RPS6KA5: variants seen among roughly 807,000 people sequenced by gnomAD.
RPS6KA5 encodes the protein ribosomal protein S6 kinase A5.
RPS6KA5 carries 27 observed loss-of-function variants against 85.5 expected under a neutral mutation model. That is an observed-to-expected ratio of 0.32 (90% CI 0.23 to 0.44). The LOEUF is 0.44. RPS6KA5 is among the 20% of genes least tolerant of loss of function. The pLI, the probability that RPS6KA5 is intolerant of heterozygous loss-of-function variation, is 1.00. For missense variants in RPS6KA5, 811 were observed against 980.9 expected (o/e 0.83, Z 2.31); for synonymous variants, 334 against 348.2 (o/e 0.96, Z 0.46).
chr14:90,912,426 T>C (rs184363821), intron 7 of RPS6KA5, among the ~76,000 whole-genome samples: 4 of 152,330 alleles, frequency 2.6e-5, no homozygotes, highest in Admixed American at 2.6e-4. Flanking sequence ...CCAGTAACTC[T>C]GTATTTGATC....
chr14:91,043,258 T>C (rs1285656314), intron 1 of RPS6KA5, among the ~76,000 whole-genome samples: 1 of 152,206 alleles, frequency 6.6e-6, no homozygotes, highest in African/African-American at 2.4e-5. Context: ...TTTTCAGGAC[T>C]CAATTCTGAG....
Position 90,920,317 on chromosome 14 carries a change from A to G in RPS6KA5, c.703-8T>C. The G allele has an allele frequency of 6.6e-7, 1 of 1,521,712 alleles. No individual in the cohort carries two copies. Among genetic ancestry groups the G allele is most frequent in the Non-Finnish European group, 9.1e-7 (1 of 1,103,334 alleles). The allele number at this position is 1,521,712 out of a possible 1,614,324, so 94.3% of individuals were successfully genotyped here. A position where few individuals can be genotyped will look rare whatever the true frequency, so the allele number is the denominator to read the frequency against. On this transcript the variant is annotated splice_polypyrimidine_tract_variant and splice_region_variant and intron_variant, in intron 6 of 16. Coordinates refer to ENST00000614987, the MANE Select transcript of RPS6KA5 (RefSeq NM_004755.4). Reference sequence around the variant, plus strand: ...ACTCCACCAGTCAACTGCCTATAAAACAACAATAATTTCATTTTATAGAAT... The same window carrying G: ...ACTCCACCAGTCAACTGCCTATAAAGCAACAATAATTTCATTTTATAGAAT...
chr14:90,882,089 T>A (rs2033879700), intron 14 of RPS6KA5, among the ~76,000 whole-genome samples: 1 of 152,234 alleles, frequency 6.6e-6, no homozygotes, highest in Admixed American at 6.5e-5. Flanking sequence ...CTTTTATGTT[T>A]AGTTTATTTT....
intron 5 of RPS6KA5, among the ~76,000 whole-genome samples, chr14:90,926,664 A>AGTGTGTGTGT (rs59637202): frequency 0.019 from 2,678 of 143,282 alleles, 25 homozygotes; most frequent in Non-Finnish European, 0.025. Context: ...TATATATTTA[A>AGTGTGTGTGT]GTGTGTGTGT....
chr14:90,959,178 T>C (rs1232046719), intron 3 of RPS6KA5, among the ~76,000 whole-genome samples: 1 of 152,194 alleles, frequency 6.6e-6, no homozygotes, highest in Non-Finnish European at 1.5e-5. Flanking sequence ...ACAGGGCTTA[T>C]GGACCTTTAC....
chr14:90,984,766 T>G (rs1276918179), intron 2 of RPS6KA5, among the ~76,000 whole-genome samples: 1 of 152,236 alleles, frequency 6.6e-6, no homozygotes, highest in Non-Finnish European at 1.5e-5. Flanking sequence ...AAAGAAAAGT[T>G]AAAAATGACT....
intron 2 of RPS6KA5, among the ~76,000 whole-genome samples, chr14:90,998,557 C>CT (rs1173403486): frequency 6.6e-6 from 1 of 152,114 alleles, no homozygotes; most frequent in Non-Finnish European, 1.5e-5. Flanking sequence ...CCTCTTTCCC[C>CT]TTTGAGTAGA....
intron 1 of RPS6KA5, among the ~76,000 whole-genome samples, chr14:91,043,083 TAGTC>T (rs897067606): frequency 2.0e-5 from 3 of 152,094 alleles, no homozygotes; most frequent in Non-Finnish European, 2.9e-5. Flanking sequence ...GGCCATTAGG[TAGTC>T]AGTCAAATTG....
At position 90,943,121 on chromosome 14, in the gene RPS6KA5, A is replaced by G. The variant is rs1409034173; in HGVS notation, c.575T>C (p.Val192Ala). The change falls in exon 5 of 17, where the codon GTG (valine) becomes GCG (alanine). Residue 192 changes from valine to alanine, a missense_variant. By Grantham distance (64) the Val-to-Ala change is moderately conservative. Around this residue, in one of 3 missense-constraint regions of RPS6KA5, gnomAD observed 650 missense variants for 793.4 expected, o/e 0.82. Transcript: ENST00000614987. The part of the protein sequence containing the change: ...NILLDSNGHV[V>A]LTDFGLSKEF... Reference sequence around the variant, plus strand: ...CTTACTCAGACCAAAATCTGTCAGCACCACATGGCCATTAGAATCAAGTAG... The same window carrying G: ...CTTACTCAGACCAAAATCTGTCAGCGCCACATGGCCATTAGAATCAAGTAG... The G allele has an allele frequency of 6.2e-7, 1 of 1,613,138 alleles. No individual in the cohort carries two copies. The highest frequency in any genetic ancestry group is 8.5e-7 in the Non-Finnish European group (1 of 1,179,242).
At chr14:90,951,394 G>A (rs1459877545) in intron 3 of RPS6KA5, among the ~76,000 whole-genome samples, 4 of 151,496 alleles carry the variant, frequency 2.6e-5, no homozygotes, top group South Asian at 2.1e-4. Context: ...GCTGAGGCAG[G>A]AGAATGGTGT....
rs779715027 is a variant in RPS6KA5, at chr14:90,900,104, A to C, written c.1379+4T>G. The C allele has an allele frequency of 6.3e-7, 1 of 1,590,306 alleles. No individual in the cohort carries two copies. Among genetic ancestry groups the C allele is most frequent in the East Asian group, 2.3e-5 (1 of 44,242 alleles). ...AAAGAATATTATATTAAAAATGGTCATACCTTTTGCTGATTATTTTGACTG... is the reference window on the plus strand; with the variant it reads ...AAAGAATATTATATTAAAAATGGTCCTACCTTTTGCTGATTATTTTGACTG... On this transcript the variant is annotated splice_donor_region_variant and intron_variant, in intron 11 of 16. Transcript: ENST00000614987.
intron 2 of RPS6KA5, among the ~76,000 whole-genome samples, chr14:90,998,596 A>G (rs963839672): frequency 6.6e-6 from 1 of 152,232 alleles, no homozygotes; most frequent in Admixed American, 6.5e-5. Flanking sequence ...AAACAAAGGT[A>G]GGAATAAAGG....
In RPS6KA5 at chr14:90,865,263, C is replaced by CT. The variant is rs546288014; in HGVS notation, c.*6810dup. 1.2e-3 allele frequency: 186 copies of CT among 152,318 alleles called. No individual in the cohort carries two copies. The highest frequency in any genetic ancestry group is 4.4e-3 in the African/African-American group (184 of 41,570). 9.4% of individuals were successfully genotyped at this position (152,318 alleles called of 1,614,324 possible). A position where few individuals can be genotyped will look rare whatever the true frequency, so the allele number is the denominator to read the frequency against. On this transcript the variant is annotated 3_prime_UTR_variant, in exon 17 of 17. Coordinates refer to ENST00000614987, the MANE Select transcript of RPS6KA5 (RefSeq NM_004755.4). ...TAAAAATTACAAACAACCAAAATGT[C>CT]TATCAGTGGGAGAATGGATAAATTG...
At chr14:90,996,721 A>T (rs1352659591) in intron 2 of RPS6KA5, among the ~76,000 whole-genome samples, 1 of 151,924 alleles carries the variant, frequency 6.6e-6, no homozygotes, top group Non-Finnish European at 1.5e-5. Context: ...TGACATTTCT[A>T]AAACTTTAAT....
At chr14:90,989,914 A>T (rs1377594697) in intron 2 of RPS6KA5, among the ~76,000 whole-genome samples, 2 of 152,200 alleles carry the variant, frequency 1.3e-5, no homozygotes, top group African/African-American at 4.8e-5. Flanking sequence ...GGATGATCGT[A>T]AGAGCTTACA....
rs1671552216 is a variant in RPS6KA5, at chr14:90,894,529, T to G, written c.1528A>C (p.Ile510Leu). 1 of 1,614,208 alleles carries G rather than the reference T, an allele frequency of 6.2e-7. No individual in the cohort carries two copies. Among genetic ancestry groups the G allele is most frequent in the East Asian group, 2.2e-5 (1 of 44,886 alleles). ...LLNGGELFERIKKKKHFSETE... is the reference protein window; with the variant it reads ...LLNGGELFERLKKKKHFSETE... ...TCACTGAAGTGCTTCTTTTTCTTAATGCGCTCAAACAGTTCTCCTCCATTC... is the reference window on the plus strand; with the variant it reads ...TCACTGAAGTGCTTCTTTTTCTTAAGGCGCTCAAACAGTTCTCCTCCATTC... The change falls in exon 13 of 17, where the codon ATT becomes CTT. Residue 510 changes from isoleucine (I) to leucine (L), a missense_variant. Coordinates refer to ENST00000614987, the MANE Select transcript of RPS6KA5 (RefSeq NM_004755.4).
chr14:90,999,783 G>A (rs1034068627), intron 2 of RPS6KA5, among the ~76,000 whole-genome samples: 1 of 152,178 alleles, frequency 6.6e-6, no homozygotes, highest in Non-Finnish European at 1.5e-5. Flanking sequence ...TCTACATGCA[G>A]GGATCTCTAC....
chr14:90,896,849 T>A (rs2034862864), intron 12 of RPS6KA5, among the ~76,000 whole-genome samples: 1 of 151,824 alleles, frequency 6.6e-6, no homozygotes, highest in African/African-American at 2.4e-5. Context: ...GCCTCCAGAG[T>A]AGCTAGGACT....
chr14:90,979,599 G>A (rs771140907), intron 2 of RPS6KA5, among the ~76,000 whole-genome samples: 4 of 152,196 alleles, frequency 2.6e-5, no homozygotes, highest in African/African-American at 4.8e-5. Context: ...CTTGTACTCC[G>A]TATGTTATTC....
Sources: allele counts gnomAD v4.1 joint callset (sites outside exome capture counted in the v4.1 genomes callset), GRCh38; gene constraint gnomAD v4.1.1; regional missense constraint gnomAD v4.1.1; transcripts MANE v1.5; gene names NCBI Gene and HGNC (gene_info 2026-07-23, HGNC 2026-07-21).